STXBP6: variants seen among roughly 807,000 people sequenced by gnomAD.
STXBP6 encodes syntaxin binding protein 6.
STXBP6 carries 21 observed loss-of-function variants against 26.9 expected under a neutral mutation model. The observed-to-expected ratio is 0.78, with a 90% CI of 0.55 to 1.12. The LOEUF (loss-of-function observed/expected upper bound fraction) is 1.12, where lower values mean the gene tolerates loss of function less well. STXBP6 is among the 50% of genes most tolerant of loss of function. The pLI is 0.00. For missense variants in STXBP6, 232 were observed against 257.9 expected (o/e 0.90, Z 0.69); for synonymous variants, 97 against 92.6 (o/e 1.05, Z -0.27).
chr14:25,031,913 G>A (rs1358223957), intron 1 of STXBP6, among the ~76,000 whole-genome samples: 1 of 152,110 alleles, frequency 6.6e-6, no homozygotes, highest in Non-Finnish European at 1.5e-5. Context: ...CCCCAACGAA[G>A]AGCCTAAGAA....
chr14:24,937,308 T>G (rs1467214891), intron 2 of STXBP6, among the ~76,000 whole-genome samples: 1 of 152,204 alleles, frequency 6.6e-6, no homozygotes, highest in Admixed American at 6.5e-5. Flanking sequence ...GTAAAGAGAC[T>G]ACCAATTAAA....
At chr14:24,971,308 A>G (rs2073899656) in intron 2 of STXBP6, among the ~76,000 whole-genome samples, 1 of 152,222 alleles carries the variant, frequency 6.6e-6, no homozygotes, top group South Asian at 2.1e-4. Context: ...ATATTTTGGC[A>G]AGCTTTTAAA....
intron 2 of STXBP6, among the ~76,000 whole-genome samples, chr14:24,905,843 T>C (rs1159156943): frequency 1.3e-5 from 2 of 152,332 alleles, no homozygotes; most frequent in East Asian, 3.9e-4. Flanking sequence ...AACTTTTCCC[T>C]TCCACACCTG....
chr14:24,901,561 T>C (rs923793578), intron 2 of STXBP6, among the ~76,000 whole-genome samples: 1 of 152,150 alleles, frequency 6.6e-6, no homozygotes, highest in Non-Finnish European at 1.5e-5. Flanking sequence ...CAAAGAATAA[T>C]ACTAGAATGT....
chr14:24,963,084 G>T (rs1358329823), intron 2 of STXBP6, among the ~76,000 whole-genome samples: 1 of 151,916 alleles, frequency 6.6e-6, no homozygotes, highest in South Asian at 2.1e-4. Context: ...AAAATCAAAG[G>T]CATGATTTTC....
chr14:24,836,427 A>G (rs1177365262), intron 4 of STXBP6, among the ~76,000 whole-genome samples: 2 of 151,844 alleles, frequency 1.3e-5, no homozygotes, highest in African/African-American at 4.8e-5. Flanking sequence ...TGAAAACCCC[A>G]TCTCTACTAA....
At chr14:25,032,056 T>C (rs2075466569) in intron 1 of STXBP6, among the ~76,000 whole-genome samples, 1 of 152,078 alleles carries the variant, frequency 6.6e-6, no homozygotes, top group African/African-American at 2.4e-5. Context: ...GATAGAAAGT[T>C]TGAAGTGACA....
At chr14:24,946,144 G>T (rs528377960) in intron 2 of STXBP6, among the ~76,000 whole-genome samples, 2 of 152,228 alleles carry the variant, frequency 1.3e-5, no homozygotes, top group South Asian at 4.1e-4. Flanking sequence ...TTATACAAAT[G>T]TATGAGAGAA....
chr14:24,836,275 A>T (rs944679034), intron 4 of STXBP6, among the ~76,000 whole-genome samples: 1 of 152,174 alleles, frequency 6.6e-6, no homozygotes, highest in African/African-American at 2.4e-5. Flanking sequence ...TACTAAAGAT[A>T]AATAGCGTTT....
chr14:24,926,569 G>T (rs988610032), intron 2 of STXBP6, among the ~76,000 whole-genome samples: 4 of 152,116 alleles, frequency 2.6e-5, no homozygotes, highest in African/African-American at 9.7e-5. Context: ...TCATTGTTTT[G>T]TGCTTGCTAA....
chr14:25,002,941 G>A (rs1374151165), intron 1 of STXBP6, among the ~76,000 whole-genome samples: 1 of 150,952 alleles, frequency 6.6e-6, no homozygotes, highest in Non-Finnish European at 1.5e-5. Context: ...TGGCCAGGTT[G>A]GTCTCAAACT....
intron 1 of STXBP6, among the ~76,000 whole-genome samples, chr14:25,038,888 G>A (rs1472835944): frequency 2.6e-5 from 4 of 152,066 alleles, no homozygotes; most frequent in Admixed American, 2.6e-4. Context: ...GGAGATGTTG[G>A]TCAAAAGATA....
chr14:24,998,332 T>G (rs2074660938), intron 1 of STXBP6, among the ~76,000 whole-genome samples: 1 of 152,210 alleles, frequency 6.6e-6, no homozygotes, highest in South Asian at 2.1e-4. Flanking sequence ...TTCAATAAAG[T>G]CAAAATAATA....
chr14:24,902,949 A>G (rs1016850293), intron 2 of STXBP6, among the ~76,000 whole-genome samples: 15 of 152,178 alleles, frequency 9.9e-5, no homozygotes, highest in African/African-American at 3.6e-4. Flanking sequence ...GACTATAATG[A>G]GTTATTTAAA....
chr14:24,945,442 C>A (rs184611382), intron 2 of STXBP6, among the ~76,000 whole-genome samples: 93 of 152,032 alleles, frequency 6.1e-4, no homozygotes, highest in African/African-American at 2.1e-3. Flanking sequence ...TGGTAGCACA[C>A]ACCTGTAGTC....
chr14:24,842,876 C>T (rs2068827072), intron 4 of STXBP6, among the ~76,000 whole-genome samples: 1 of 152,120 alleles, frequency 6.6e-6, no homozygotes. Context: ...TTTACTTAAT[C>T]TTAATCAGAG....
intron 2 of STXBP6, among the ~76,000 whole-genome samples, chr14:24,885,561 C>T (rs1364300550): frequency 6.6e-6 from 1 of 152,212 alleles, no homozygotes; most frequent in Non-Finnish European, 1.5e-5. Flanking sequence ...TGACCCAAAT[C>T]ATTAACTCAG....
At chr14:24,941,410 T>C (rs1339948891) in intron 2 of STXBP6, among the ~76,000 whole-genome samples, 1 of 152,186 alleles carries the variant, frequency 6.6e-6, no homozygotes, top group Admixed American at 6.5e-5. Context: ...TTCATTACAT[T>C]CAGCTGGGTG....
rs1461321622 is a variant in STXBP6 at position 24,819,419 on chromosome 14, T to C, written c.452-225A>G. ...AGGACCTAGGAAAATCCTAAATGCT[T>C]CTCTATAAACTCATCACTGACATGC... On this transcript the variant is annotated intron_variant, in intron 4 of 5. Transcript: ENST00000323944. The C allele has an allele frequency of 4.9e-6, 3 of 608,918 alleles. No individual in the cohort carries two copies. In the East Asian group the frequency reaches 8.2e-5, roughly 17 times the overall value. The allele number at this position is 608,918 out of a possible 1,614,324, so 37.7% of individuals were successfully genotyped here.
Sources: allele counts gnomAD v4.1 joint callset (sites outside exome capture counted in the v4.1 genomes callset), GRCh38; gene constraint gnomAD v4.1.1; transcripts MANE v1.5; gene names NCBI Gene and HGNC (gene_info 2026-07-23, HGNC 2026-07-21).